The following CCDC127 variants were observed in gnomAD, a reference collection of about 807,000 sequenced individuals.
The protein encoded by CCDC127 is coiled-coil domain containing 127.
CCDC127 carries 2 observed loss-of-function variants against 4.1 expected under a neutral mutation model. The ratio of observed to expected loss-of-function variants is 0.49; its 90% CI spans 0.20 to 1.53. CCDC127 has a LOEUF of 1.53. Among genes scored for constraint, CCDC127 ranks in the 40% most tolerant of loss-of-function variants. CCDC127 has a pLI of 0.23. For synonymous variants in CCDC127, 98 were observed against 120.4 expected, an observed-to-expected ratio of 0.81 and a Z score of 1.22; for missense variants, 271 against 322.9, an observed-to-expected ratio of 0.84 and a Z score of 1.23.
chr5:198,479 G>A lies in CCDC127; in HGVS notation c.*6818C>T, dbSNP rs1217549701. ...GCAGTGGAGAAGGGCCCAGGGTGCTGGGTGTCCTGAGGCCTGGGATTGGGC... is the reference window on the plus strand; with the variant it reads ...GCAGTGGAGAAGGGCCCAGGGTGCTAGGTGTCCTGAGGCCTGGGATTGGGC... On this transcript the variant is annotated 3_prime_UTR_variant, in exon 3 of 3. Coordinates refer to ENST00000296824, the MANE Select transcript of CCDC127 (RefSeq NM_145265.3). 1 of 152,326 alleles carries A rather than the reference G, an allele frequency of 6.6e-6. No homozygotes were observed. Among genetic ancestry groups the A allele is most frequent in the Non-Finnish European group, 1.5e-5 (1 of 68,096 alleles). 9.4% of individuals were successfully genotyped at this position (152,326 alleles called of 1,614,324 possible). A position where few individuals can be genotyped will look rare whatever the true frequency, so the allele number is the denominator to read the frequency against.
chr5:210,615 C>G (rs1203893321), intron 2 of CCDC127, among the ~76,000 whole-genome samples: 4 of 152,098 alleles, frequency 2.6e-5, no homozygotes, highest in African/African-American at 9.7e-5. Context: ...TGAGACAGCA[C>G]CACACACCCA....
In CCDC127 at chr5:218,102, G is replaced by A. The variant is rs868212482; in HGVS notation, c.-20C>T. On this transcript the variant is annotated 5_prime_UTR_variant, in exon 1 of 3. Transcript: ENST00000296824. ...ACAGGGCCCGCTCTACCTCGGTCGG[G>A]GAGCGCGGGACCTCAGCGTTCCCTT... 2 of 1,207,872 alleles carry A rather than the reference G, an allele frequency of 1.7e-6. No individual in the cohort carries two copies. Among genetic ancestry groups the A allele is most frequent in the Admixed American group, 9.0e-5 (2 of 22,142 alleles). 74.8% of individuals were successfully genotyped at this position (1,207,872 alleles called of 1,614,324 possible). A position where few individuals can be genotyped will look rare whatever the true frequency, so the allele number is the denominator to read the frequency against.
chr5:215,594 C>T (rs1734365592), intron 2 of CCDC127: 1 of 152,076 alleles, frequency 6.6e-6, no homozygotes. Context: ...CATGGCAGCC[C>T]CTTAGGATTG....
At position 197,412 on chromosome 5, in the gene CCDC127, T is replaced by TATCA. The variant is rs1733981170; in HGVS notation, c.*7881_*7884dup. ...CATTCCACGAGGCCATATTTCAGAC[T>TATCA]ATCACATGGGGAGAAACCGTGGACA... On this transcript the variant is annotated 3_prime_UTR_variant, in exon 3 of 3. Coordinates refer to ENST00000296824, the MANE Select transcript of CCDC127 (RefSeq NM_145265.3). 1 of 152,254 alleles carries TATCA rather than the reference T, an allele frequency of 6.6e-6. No homozygotes were observed. Among genetic ancestry groups the TATCA allele is most frequent in the Non-Finnish European group, 1.5e-5 (1 of 68,068 alleles). The allele number at this position is 152,254 out of a possible 1,614,324, so 9.4% of individuals were successfully genotyped here.
rs1052485549 is a variant in CCDC127 at position 201,390 on chromosome 5, G to A, written c.*3907C>T. 2 of 152,144 alleles carry A rather than the reference G, an allele frequency of 1.3e-5. No individual in the cohort carries two copies. The highest frequency in any genetic ancestry group is 2.9e-5 in the Non-Finnish European group (2 of 68,038). The allele number at this position is 152,144 out of a possible 1,614,324, so 9.4% of individuals were successfully genotyped here. A position where few individuals can be genotyped will look rare whatever the true frequency, so the allele number is the denominator to read the frequency against. On this transcript the variant is annotated 3_prime_UTR_variant, in exon 3 of 3. Transcript: ENST00000296824. ...AAACAATCCAACACAGAAATAGTCC[G>A]TTACACATTTTAATTAGACATAACT...
Position 204,768 on chromosome 5 carries a change from G to T in CCDC127, c.*529C>A, listed in dbSNP as rs1352574045. ...AACAACTGGATACAAGAAACACTTG[G>T]TATTTCCCCTTTATGGAGTGAGAGA... On this transcript the variant is annotated 3_prime_UTR_variant, in exon 3 of 3. Coordinates refer to ENST00000296824, the MANE Select transcript of CCDC127 (RefSeq NM_145265.3). The T allele has an allele frequency of 6.6e-6, 1 of 152,272 alleles. No homozygotes were observed. Among genetic ancestry groups the T allele is most frequent in the Non-Finnish European group, 1.5e-5 (1 of 68,134 alleles). 9.4% of individuals were successfully genotyped at this position (152,272 alleles called of 1,614,324 possible). A position where few individuals can be genotyped will look rare whatever the true frequency, so the allele number is the denominator to read the frequency against.
At chr5:214,488 A>C (rs2162871) in intron 2 of CCDC127, 10 of 152,140 alleles carry the variant, frequency 6.6e-5, no homozygotes, top group Non-Finnish European at 1.2e-4. Flanking sequence ...GTACAGGAAC[A>C]CTAGAGGGGA....
intron 2 of CCDC127, among the ~76,000 whole-genome samples, chr5:208,572 G>A (rs1355520444): frequency 6.6e-6 from 1 of 152,226 alleles, no homozygotes; most frequent in African/African-American, 2.4e-5. Context: ...GCAAACACAG[G>A]GTGGGGTCGG....
chr5:210,472 C>T lies in CCDC127; in HGVS notation c.122-4514G>A, dbSNP rs543834719. Among the ~76,000 whole-genome samples, 18 of 152,280 alleles carry T rather than the reference C, an allele frequency of 1.2e-4. 1 individual carries two copies. In the South Asian group the frequency reaches 2.5e-3, roughly 21 times the overall value. On this transcript the variant is annotated intron_variant, in intron 2 of 2. Transcript: ENST00000296824. Reference sequence around the variant, plus strand: ...AAAAACAAACAGTCCTATTAGGAAACGGCTGAAAGGCAAGAATACTCATTT... The same window carrying T: ...AAAAACAAACAGTCCTATTAGGAAATGGCTGAAAGGCAAGAATACTCATTT...
Position 201,024 on chromosome 5 carries a change from G to A in CCDC127, c.*4273C>T, listed in dbSNP as rs1435102911. 4 of 20,134 alleles carry A rather than the reference G, an allele frequency of 2.0e-4. No individual in the cohort carries two copies. Among genetic ancestry groups the A allele is most frequent in the African/African-American group, 4.6e-4 (4 of 8,616 alleles). 1.2% of individuals were successfully genotyped at this position (20,134 alleles called of 1,614,324 possible). A position where few individuals can be genotyped will look rare whatever the true frequency, so the allele number is the denominator to read the frequency against. On this transcript the variant is annotated 3_prime_UTR_variant, in exon 3 of 3. Coordinates refer to ENST00000296824, the MANE Select transcript of CCDC127 (RefSeq NM_145265.3). ...GCTGCCCCCATCACAGCCAGCCAGT[G>A]TCTACACAGCAGGCTGCCCCCCATC...
chr5:205,654 C>G lies in CCDC127; in HGVS notation c.426G>C (p.Leu142Phe), dbSNP rs531998389. The change falls in exon 3 of 3, where the codon TTG becomes TTC. Residue 142 changes from leucine (L) to phenylalanine (F), a missense_variant. Around this residue, in one of 2 missense-constraint regions of CCDC127, gnomAD observed 265 missense variants for 270.9 expected, o/e 0.98. Coordinates refer to ENST00000296824, the MANE Select transcript of CCDC127 (RefSeq NM_145265.3). ...RQVQPLRSAY[L>F]SCLQREENWQ... ...AGTTTTCTTCCCTTTGCAGGCAGCT[C>G]AAATACGCACTTCTCAAAGGCTGCA... 41 of 1,614,168 alleles carry G rather than the reference C, an allele frequency of 2.5e-5. No homozygotes were observed. The South Asian group carries it at 4.5e-4, about 18-fold the overall frequency.
chr5:206,326 G>A lies in CCDC127; in HGVS notation c.122-368C>T, dbSNP rs149409093. ...ATAAAAGTTGTATTTAGCTTTGCCC[G>A]GTGGCGACTAGTAAACGGCCTGAGT... On this transcript the variant is annotated intron_variant, in intron 2 of 2. Transcript: ENST00000296824. 4.5e-4 allele frequency among the ~76,000 whole-genome samples: 66 copies of A among 147,712 alleles called. No individual in the cohort carries two copies. In the East Asian group the frequency reaches 0.011, roughly 25 times the overall value.
chr5:204,881 T>C lies in CCDC127; in HGVS notation c.*416A>G, dbSNP rs1184997180. ...TTCTACACATTATCTGACAAATTCT[T>C]AATGTAATCTGGTGACAGAGAAAAA... On this transcript the variant is annotated 3_prime_UTR_variant, in exon 3 of 3. Transcript: ENST00000296824. 6.4e-6 allele frequency: 1 copy of C among 156,806 alleles called. No homozygotes were observed. Among genetic ancestry groups the C allele is most frequent in the Non-Finnish European group, 1.4e-5 (1 of 71,386 alleles). The allele number at this position is 156,806 out of a possible 1,614,324, so 9.7% of individuals were successfully genotyped here.
At position 200,851 on chromosome 5, in the gene CCDC127, GC is replaced by G. The variant is rs879730773; in HGVS notation, c.*4445del. ...AAGCCCAGCACTTTCTACACAGCAGGCTGCCCCCATCACAGCCAGCCAGCGT... is the reference window on the plus strand; with the variant it reads ...AAGCCCAGCACTTTCTACACAGCAGGTGCCCCCATCACAGCCAGCCAGCGT... On this transcript the variant is annotated 3_prime_UTR_variant, in exon 3 of 3. Transcript: ENST00000296824. The G allele has an allele frequency of 0.15, 22,381 of 150,592 alleles. 2,354 individuals are homozygous for G. The highest frequency in any genetic ancestry group is 0.18 in the Admixed American group (2,694 of 15,114). The allele number at this position is 150,592 out of a possible 1,614,324, so 9.3% of individuals were successfully genotyped here. A position where few individuals can be genotyped will look rare whatever the true frequency, so the allele number is the denominator to read the frequency against.
At chr5:206,521 C>A (rs562964163) in intron 2 of CCDC127, among the ~76,000 whole-genome samples, 1 of 152,338 alleles carries the variant, frequency 6.6e-6, no homozygotes, top group South Asian at 2.1e-4. Context: ...GGCTCTGCCC[C>A]CTACACCAAG....
rs572032781 is a variant in CCDC127 at position 197,060 on chromosome 5, A to G, written c.*8237T>C. ...GTGTGAGCAAAAGAATCTATGTCGT[A>G]ATTAAGTTCAAGGGAAGGTACTATG... On this transcript the variant is annotated 3_prime_UTR_variant, in exon 3 of 3. Coordinates refer to ENST00000296824, the MANE Select transcript of CCDC127 (RefSeq NM_145265.3). 105 of 151,440 alleles carry G rather than the reference A, an allele frequency of 6.9e-4. No individual in the cohort carries two copies. The highest frequency in any genetic ancestry group is 2.1e-3 in the African/African-American group (86 of 41,150). 9.4% of individuals were successfully genotyped at this position (151,440 alleles called of 1,614,324 possible). A position where few individuals can be genotyped will look rare whatever the true frequency, so the allele number is the denominator to read the frequency against.
chr5:205,952 A>C lies in CCDC127; in HGVS notation c.128T>G (p.Ile43Ser). Reference protein sequence around the residue: ...PMLGLAAFRWIWSRESQKEVE... With the variant: ...PMLGLAAFRWSWSRESQKEVE... ...TTCTTTCTGGGACTCCCTAGACCAA[A>C]TCCAACCTGACATGAATGAAGAAAA... Residue 43 changes from isoleucine (I) to serine (S), a missense_variant, in exon 3 of 3, where the codon ATT (isoleucine) becomes AGT (serine). Ile to Ser is a moderately radical substitution (Grantham distance 142). This residue lies in a region of CCDC127 where 265 missense variants were observed against 270.9 expected (regional missense o/e 0.98). Coordinates refer to ENST00000296824, the MANE Select transcript of CCDC127 (RefSeq NM_145265.3). 1 of 1,601,530 alleles carries C rather than the reference A, an allele frequency of 6.2e-7. No individual in the cohort carries two copies. The highest frequency in any genetic ancestry group is 8.5e-7 in the Non-Finnish European group (1 of 1,173,858).
In CCDC127 at chr5:201,699, G is replaced by T. The variant is rs983131837; in HGVS notation, c.*3598C>A. 17 of 152,214 alleles carry T rather than the reference G, an allele frequency of 1.1e-4. No individual in the cohort carries two copies. Among genetic ancestry groups the T allele is most frequent in the African/African-American group, 3.9e-4 (16 of 41,450 alleles). 9.4% of individuals were successfully genotyped at this position (152,214 alleles called of 1,614,324 possible). On this transcript the variant is annotated 3_prime_UTR_variant, in exon 3 of 3. Transcript: ENST00000296824. ...TGTTTTTGGAATGTCCAGGTCAATTGTGATGCCTTCGAACTTCATTCCAAA... is the reference window on the plus strand; with the variant it reads ...TGTTTTTGGAATGTCCAGGTCAATTTTGATGCCTTCGAACTTCATTCCAAA...
At chr5:209,011 AAAG>A (rs1217624905) in intron 2 of CCDC127, among the ~76,000 whole-genome samples, 1 of 152,234 alleles carries the variant, frequency 6.6e-6, no homozygotes, top group Non-Finnish European at 1.5e-5. Context: ...CACAAGACGT[AAAG>A]AAGAACCAAA....
Sources: gnomAD v4.1 joint callset for allele counts (sites outside exome capture counted in the v4.1 genomes callset) on GRCh38, gnomAD v4.1.1 for gene constraint, gnomAD v4.1.1 regional missense constraint, MANE v1.5 for transcripts, NCBI Gene and HGNC (gene_info 2026-07-23, HGNC 2026-07-21) for gene names.